Variants in AGTPBP1 observed in about 807,000 individuals in gnomAD.
The protein encoded by AGTPBP1 is ATP/GTP binding carboxypeptidase 1.
AGTPBP1 carries 70 observed loss-of-function variants against 143.9 expected under a neutral mutation model. The ratio of observed to expected loss-of-function variants is 0.49; its 90% CI spans 0.40 to 0.59. The LOEUF (loss-of-function observed/expected upper bound fraction) is 0.59, where lower values mean the gene tolerates loss of function less well. Ranked by LOEUF, AGTPBP1 falls within the 20% of genes least tolerant of loss-of-function variation. The pLI, the probability that AGTPBP1 is intolerant of heterozygous loss-of-function variation, is 0.00. For missense variants in AGTPBP1, 1,229 were observed against 1,464.5 expected (o/e 0.84, Z 2.62); for synonymous variants, 463 against 500.2 (o/e 0.93, Z 0.99).
At chr9:85,710,105 T>C (rs1435046735) in intron 2 of AGTPBP1, among the ~76,000 whole-genome samples, 4 of 152,158 alleles carry the variant, frequency 2.6e-5, no homozygotes, top group Admixed American at 2.6e-4. Context: ...TAAGTCGCCA[T>C]ACTGCATTTG....
Position 85,663,793 on chromosome 9 carries a change from T to C in AGTPBP1, c.663-2820A>G, listed in dbSNP as rs547780914. 7.4e-4 allele frequency among the ~76,000 whole-genome samples: 112 copies of C among 151,474 alleles called. 1 individual carries two copies. The highest frequency in any genetic ancestry group is 6.6e-3 in the South Asian group (32 of 4,820). On this transcript the variant is annotated intron_variant, in intron 8 of 25. Coordinates refer to ENST00000357081, the MANE Select transcript of AGTPBP1 (RefSeq NM_001330701.2). Reference sequence around the variant, plus strand: ...CAGCCATTCTACTCCTAGATATCTATTCAGCAGAAATAAAAAAATATATGA... The same window carrying C: ...CAGCCATTCTACTCCTAGATATCTACTCAGCAGAAATAAAAAAATATATGA...
chr9:85,749,153 C>A, the AGTPBP1 span, among the ~76,000 whole-genome samples: 2 of 151,798 alleles, frequency 1.3e-5, no homozygotes, highest in African/African-American at 4.8e-5. Flanking sequence ...TGCCAGCGTA[C>A]CTCACACATT....
intron 25 of AGTPBP1, among the ~76,000 whole-genome samples, chr9:85,564,749 G>A (rs1564013262): frequency 6.6e-6 from 1 of 152,180 alleles, no homozygotes; most frequent in Non-Finnish European, 1.5e-5. Flanking sequence ...ATACGATGAT[G>A]AAATCACCTA....
rs1247939955 is a variant in AGTPBP1 at position 85,655,331 on chromosome 9, AAAAAAG to A, written c.910-17_910-12del. 3.4e-6 allele frequency: 5 copies of A among 1,474,978 alleles called. No homozygotes were observed. The highest frequency in any genetic ancestry group is 2.8e-5 in the Admixed American group (1 of 36,196). 91.4% of individuals were successfully genotyped at this position (1,474,978 alleles called of 1,614,324 possible). On this transcript the variant is annotated splice_polypyrimidine_tract_variant and intron_variant, in intron 10 of 25. Transcript: ENST00000357081. ...GACTGCCAGACATTCCTGTTTTTTA[AAAAAAG>A]AAAAAGAAAAAGAATGTTTTTGATG...
intron 13 of AGTPBP1, among the ~76,000 whole-genome samples, chr9:85,634,137 T>C (rs1299610086): frequency 7.4e-6 from 1 of 135,840 alleles, no homozygotes; most frequent in East Asian, 2.1e-4. Flanking sequence ...GAGGTTGCAG[T>C]GAACCGAGAT....
intron 10 of AGTPBP1, 122 bp downstream of exon 10, chr9:85,657,313 T>G (rs1308206903): frequency 5.6e-6 from 5 of 900,272 alleles, no homozygotes; most frequent in Non-Finnish European, 8.1e-6. Context: ...CTTTTAAGAT[T>G]TTCGAAAAAT....
intron 1 of AGTPBP1, among the ~76,000 whole-genome samples, chr9:85,727,501 C>T (rs796371846): frequency 7.9e-5 from 12 of 152,238 alleles, no homozygotes; most frequent in African/African-American, 2.2e-4. Flanking sequence ...TGTGTAAAAA[C>T]GTGGATGAAG....
upstream of AGTPBP1, among the ~76,000 whole-genome samples, chr9:85,742,339 G>C (rs1415584588): frequency 6.6e-6 from 1 of 152,004 alleles, no homozygotes; most frequent in Admixed American, 6.6e-5. Flanking sequence ...CCTTTTCCCG[G>C]AACTAAGCCC....
chr9:85,715,478 T>C (rs12342316), intron 1 of AGTPBP1, among the ~76,000 whole-genome samples: 4,705 of 152,106 alleles, frequency 0.031, 243 homozygotes, highest in African/African-American at 0.11. Context: ...GAACTGCAAA[T>C]AGTAACTTCT....
At chr9:85,572,004 GTTTTTTTTTTTTTTTTTTTTTTTTTTTT>G (rs55882437) in intron 25 of AGTPBP1, among the ~76,000 whole-genome samples, 1 of 43,434 alleles carries the variant, frequency 2.3e-5, no homozygotes, top group Non-Finnish European at 5.0e-5. Flanking sequence ...GTTTGTGTGT[GTTTTTTTTTTTTTTTTTTTTTTTTTTTT>G]TTTTTTTTTT....
intron 13 of AGTPBP1, among the ~76,000 whole-genome samples, chr9:85,640,139 T>G (rs1336115444): frequency 6.6e-6 from 1 of 152,216 alleles, no homozygotes; most frequent in Non-Finnish European, 1.5e-5. Context: ...GATACAAAGA[T>G]AGCTGAAGAA....
At chr9:85,685,322 A>G (rs1835424413) in intron 3 of AGTPBP1, among the ~76,000 whole-genome samples, 1 of 152,002 alleles carries the variant, frequency 6.6e-6, no homozygotes, top group African/African-American at 2.4e-5. Context: ...CAAACTTGAA[A>G]AGCAAAATCC....
At position 85,655,337 on chromosome 9, in the gene AGTPBP1, G is replaced by A; in HGVS notation, c.910-17C>T. On this transcript the variant is annotated splice_polypyrimidine_tract_variant and intron_variant, in intron 10 of 25. Transcript: ENST00000357081. ...CAGACATTCCTGTTTTTTAAAAAAA[G>A]AAAAAGAAAAAGAATGTTTTTGATG... 9 of 1,456,652 alleles carry A rather than the reference G, an allele frequency of 6.2e-6. No individual in the cohort carries two copies. The highest frequency in any genetic ancestry group is 2.7e-5 in the East Asian group (1 of 37,258). The allele number at this position is 1,456,652 out of a possible 1,614,324, so 90.2% of individuals were successfully genotyped here. A position where few individuals can be genotyped will look rare whatever the true frequency, so the allele number is the denominator to read the frequency against.
intron 1 of AGTPBP1, among the ~76,000 whole-genome samples, chr9:85,736,316 C>T (rs1823764997): frequency 1.3e-5 from 2 of 152,222 alleles, no homozygotes; most frequent in South Asian, 2.1e-4. Context: ...TTAACTGGCA[C>T]ATAATAATCA....
intron 4 of AGTPBP1, among the ~76,000 whole-genome samples, chr9:85,680,424 A>G (rs1256509648): frequency 6.6e-6 from 1 of 152,094 alleles, no homozygotes; most frequent in African/African-American, 2.4e-5. Flanking sequence ...TCTCTACTAA[A>G]AATACAAAAA....
chr9:85,595,376 C>A (rs912211972), intron 18 of AGTPBP1, among the ~76,000 whole-genome samples: 1 of 152,122 alleles, frequency 6.6e-6, no homozygotes, highest in Non-Finnish European at 1.5e-5. Flanking sequence ...CAAGTGGAAT[C>A]AACAGTGAAC....
chr9:85,652,588 C>G (rs1047905244), intron 11 of AGTPBP1, among the ~76,000 whole-genome samples: 1 of 152,124 alleles, frequency 6.6e-6, no homozygotes, highest in African/African-American at 2.4e-5. Flanking sequence ...GGTGGCATAC[C>G]TAGAGAGGGC....
chr9:85,603,253 C>T (rs114403357), intron 17 of AGTPBP1, among the ~76,000 whole-genome samples: 2,471 of 152,152 alleles, frequency 0.016, 29 homozygotes, highest in Middle Eastern at 0.054. Context: ...GGAGAGACTT[C>T]TTCTTTCAGC....
At chr9:85,761,974 G>A in the AGTPBP1 span, among the ~76,000 whole-genome samples, 4 of 152,110 alleles carry the variant, frequency 2.6e-5, no homozygotes, top group South Asian at 4.1e-4. Flanking sequence ...ATGAACAGAA[G>A]CTTCTCAAAA....
Sources: gnomAD v4.1 joint callset for allele counts (sites outside exome capture counted in the v4.1 genomes callset) on GRCh38, gnomAD v4.1.1 for gene constraint, MANE v1.5 for transcripts, NCBI Gene and HGNC (gene_info 2026-07-23, HGNC 2026-07-21) for gene names.